Variants in FAM24A observed in about 807,000 individuals in gnomAD.
FAM24A encodes family with sequence similarity 24 member A.
A neutral mutation model predicts 2.8 loss-of-function variants in FAM24A; 2 were observed. The observed-to-expected ratio is 0.73, with a 90% CI of 0.30 to 2.28. The LOEUF is 2.28. Among genes scored for constraint, FAM24A ranks in the 30% most tolerant of loss-of-function variants. The pLI, the probability that FAM24A is intolerant of heterozygous loss-of-function variation, is 0.12. For missense variants in FAM24A, 109 were observed against 132.0 expected (o/e 0.83, Z 0.85); for synonymous variants, 46 against 47.5 (o/e 0.97, Z 0.13).
At position 122,912,771 on chromosome 10, in the gene FAM24A, G is replaced by A; in HGVS notation, c.135G>A (p.Lys45=). The change falls in exon 3 of 3, where the codon AAG becomes AAA. Residue 45 remains lysine (K), a synonymous_variant. Coordinates refer to ENST00000368894, the MANE Select transcript of FAM24A (RefSeq NM_001029888.3). ...TGTGTCTTTTCTTAAGAGCTGCAAAGGACCCTGATGCTGTGGCTGTAAAAA... is the reference window on the plus strand; with the variant it reads ...TGTGTCTTTTCTTAAGAGCTGCAAAAGACCCTGATGCTGTGGCTGTAAAAA... The part of the protein sequence containing the change: ...FKVAKALKAA[K]DPDAVAVKNH... 6.2e-7 allele frequency: 1 copy of A among 1,611,254 alleles called. No homozygotes were observed. The highest frequency in any genetic ancestry group is 8.5e-7 in the Non-Finnish European group (1 of 1,179,274).
At chr10:122,912,534 T>C (rs1848329857) in intron 2 of FAM24A, among the ~76,000 whole-genome samples, 1 of 152,064 alleles carries the variant, frequency 6.6e-6, no homozygotes, top group South Asian at 2.1e-4. Flanking sequence ...GGGTGATTGC[T>C]TGCAATTCAC....
intron 1 of FAM24A, among the ~76,000 whole-genome samples, chr10:122,911,398 C>T (rs1425747217): frequency 1.3e-5 from 2 of 152,096 alleles, no homozygotes; most frequent in Non-Finnish European, 2.9e-5. Flanking sequence ...AGATTCTTCC[C>T]ACTGTCTGTC....
In FAM24A at chr10:122,910,754, A is replaced by G. The variant is rs760564972; in HGVS notation, c.-68A>G. The G allele has an allele frequency of 1.3e-5, 2 of 152,144 alleles. No homozygotes were observed. Among genetic ancestry groups the G allele is most frequent in the Admixed American group, 6.5e-5 (1 of 15,280 alleles). The allele number at this position is 152,144 out of a possible 1,614,324, so 9.4% of individuals were successfully genotyped here. A position where few individuals can be genotyped will look rare whatever the true frequency, so the allele number is the denominator to read the frequency against. ...AAGTTCCAAATATCCGATGCCCTAGAGGTTTTTTTCCCTTAATTTTATTGT... is the reference window on the plus strand; with the variant it reads ...AAGTTCCAAATATCCGATGCCCTAGGGGTTTTTTTCCCTTAATTTTATTGT... On this transcript the variant is annotated 5_prime_UTR_variant, in exon 1 of 3. Transcript: ENST00000368894.
rs1848311031 is a variant in FAM24A at position 122,910,770 on chromosome 10, A to G, written c.-52A>G. 1 of 152,104 alleles carries G rather than the reference A, an allele frequency of 6.6e-6. No individual in the cohort carries two copies. Among genetic ancestry groups the G allele is most frequent in the South Asian group, 2.1e-4 (1 of 4,824 alleles). The allele number at this position is 152,104 out of a possible 1,614,324, so 9.4% of individuals were successfully genotyped here. A position where few individuals can be genotyped will look rare whatever the true frequency, so the allele number is the denominator to read the frequency against. On this transcript the variant is annotated 5_prime_UTR_variant, in exon 1 of 3. Coordinates refer to ENST00000368894, the MANE Select transcript of FAM24A (RefSeq NM_001029888.3). ...ATGCCCTAGAGGTTTTTTTCCCTTA[A>G]TTTTATTGTTACAATTGGCCTTCAT...
chr10:122,912,970 C>A lies in FAM24A; in HGVS notation c.*16C>A, dbSNP rs761491562. On this transcript the variant is annotated 3_prime_UTR_variant, in exon 3 of 3. Coordinates refer to ENST00000368894, the MANE Select transcript of FAM24A (RefSeq NM_001029888.3). ...GGGCCTCTGACTTGGGAAAGCTGGG[C>A]ACAAAAATCTTCATGAGCAATATTT... 25 of 1,578,800 alleles carry A rather than the reference C, an allele frequency of 1.6e-5. No homozygotes were observed. The South Asian group carries it at 2.9e-4, about 19-fold the overall frequency.
At chr10:122,911,878 C>T in intron 2 of FAM24A, 119 bp downstream of exon 2, 1 of 1,328,050 alleles carries the variant, frequency 7.5e-7, no homozygotes, top group Non-Finnish European at 1.0e-6. Flanking sequence ...AGGACAAGAA[C>T]AAGAAGCAGT....
chr10:122,911,586 G>C (rs1564714649), intron 1 of FAM24A, 47 bp from the exon 2 acceptor site: 3 of 1,606,396 alleles, frequency 1.9e-6, no homozygotes, highest in Non-Finnish European at 2.5e-6. Flanking sequence ...TTTAGTGGCT[G>C]TGTGGGGAGG....
At chr10:122,911,866 T>C (rs1480655289) in intron 2 of FAM24A, 107 bp downstream of exon 2, 81 of 1,407,202 alleles carry the variant, frequency 5.8e-5, no homozygotes, top group Non-Finnish European at 5.8e-6. Flanking sequence ...CCTGAGTGAG[T>C]GAGGACAAGA....
Position 122,910,742 on chromosome 10 carries a change from C to G in FAM24A, c.-80C>G, listed in dbSNP as rs186181741. 4 of 152,278 alleles carry G rather than the reference C, an allele frequency of 2.6e-5. No individual in the cohort carries two copies. The highest frequency in any genetic ancestry group is 9.6e-5 in the African/African-American group (4 of 41,562). 9.4% of individuals were successfully genotyped at this position (152,278 alleles called of 1,614,324 possible). A position where few individuals can be genotyped will look rare whatever the true frequency, so the allele number is the denominator to read the frequency against. ...TACAGGTTTGAGAAGTTCCAAATAT[C>G]CGATGCCCTAGAGGTTTTTTTCCCT... On this transcript the variant is annotated 5_prime_UTR_variant, in exon 1 of 3. In the 5' UTR this introduces an upstream ATG that the reference lacks. Coordinates refer to ENST00000368894, the MANE Select transcript of FAM24A (RefSeq NM_001029888.3).
intron 1 of FAM24A, among the ~76,000 whole-genome samples, chr10:122,911,358 C>T (rs1050330196): frequency 6.6e-6 from 1 of 152,136 alleles, no homozygotes; most frequent in Non-Finnish European, 1.5e-5. Context: ...GTGGTCATTT[C>T]CAGCTGCACA....
chr10:122,911,547 T>G (rs1409442899), intron 1 of FAM24A, 86 bp from the exon 2 acceptor site: 3 of 1,563,726 alleles, frequency 1.9e-6, no homozygotes, highest in Non-Finnish European at 2.6e-6. Flanking sequence ...GTGTCTGGGG[T>G]TCACTCTTCC....
At chr10:122,911,566 CG>C (rs1199877585) in intron 1 of FAM24A, 66 bp from the exon 2 acceptor site, 10 of 1,590,528 alleles carry the variant, frequency 6.3e-6, no homozygotes, top group African/African-American at 1.3e-5. Flanking sequence ...CCTCTACTAA[CG>C]GAAGGTTGTT....
At position 122,912,809 on chromosome 10, in the gene FAM24A, A is replaced by G; in HGVS notation, c.173A>G (p.Asp58Gly). The G allele has an allele frequency of 6.2e-7, 1 of 1,614,108 alleles. No homozygotes were observed. The highest frequency in any genetic ancestry group is 8.5e-7 in the Non-Finnish European group (1 of 1,180,020). ...GTGGCTGTAAAAAATCACAACCCAG[A>G]CAAGGTGTGTTGGGCCACGAACAGC... Reference protein sequence around the residue: ...DAVAVKNHNPDKVCWATNSQA... With the variant: ...DAVAVKNHNPGKVCWATNSQA... The change falls in exon 3 of 3, where the codon GAC becomes GGC. Residue 58 changes from aspartate (D) to glycine (G), a missense_variant. Transcript: ENST00000368894.
intron 1 of FAM24A, among the ~76,000 whole-genome samples, chr10:122,911,422 T>C (rs1848316914): frequency 6.6e-6 from 1 of 152,118 alleles, no homozygotes; most frequent in South Asian, 2.1e-4. Context: ...ATGATTTCCT[T>C]CCCTCTGGAG....
intron 2 of FAM24A, among the ~76,000 whole-genome samples, chr10:122,912,095 C>T (rs1310729226): frequency 2.0e-5 from 3 of 152,176 alleles, no homozygotes; most frequent in Non-Finnish European, 4.4e-5. Context: ...CTCTGTTCAG[C>T]ACCTTGGCCA....
In FAM24A at chr10:122,910,799, G is replaced by T. The variant is rs1358722830; in HGVS notation, c.-23G>T. On this transcript the variant is annotated 5_prime_UTR_variant, in exon 1 of 3. Coordinates refer to ENST00000368894, the MANE Select transcript of FAM24A (RefSeq NM_001029888.3). ...TATTGTTACAATTGGCCTTCATCTAGCTCTGGATGGTTGAACTGTAGTAAG... is the reference window on the plus strand; with the variant it reads ...TATTGTTACAATTGGCCTTCATCTATCTCTGGATGGTTGAACTGTAGTAAG... 3 of 152,136 alleles carry T rather than the reference G, an allele frequency of 2.0e-5. No individual in the cohort carries two copies. The highest frequency in any genetic ancestry group is 2.9e-5 in the Non-Finnish European group (2 of 68,036). The allele number at this position is 152,136 out of a possible 1,614,324, so 9.4% of individuals were successfully genotyped here.
intron 2 of FAM24A, among the ~76,000 whole-genome samples, chr10:122,912,166 T>G (rs917319316): frequency 6.6e-6 from 1 of 152,222 alleles, no homozygotes; most frequent in East Asian, 1.9e-4. Context: ...AATGAGCCTC[T>G]GCCTTGTGCT....
At chr10:122,911,885 C>A (rs927447480) in intron 2 of FAM24A, 126 bp downstream of exon 2, 26 of 1,297,990 alleles carry the variant, frequency 2.0e-5, no homozygotes, top group Non-Finnish European at 2.4e-5. Context: ...GAACAAGAAG[C>A]AGTTTTGAAA....
chr10:122,912,403 T>C (rs752430946), intron 2 of FAM24A, among the ~76,000 whole-genome samples: 1 of 151,692 alleles, frequency 6.6e-6, no homozygotes, highest in Non-Finnish European at 1.5e-5. Context: ...ACCAGAGAGG[T>C]TGGTTGTCAG....
Sources: allele counts gnomAD v4.1 joint callset (sites outside exome capture counted in the v4.1 genomes callset), GRCh38; gene constraint gnomAD v4.1.1; transcripts MANE v1.5; gene names NCBI Gene and HGNC (gene_info 2026-07-23, HGNC 2026-07-21).